Variants in SYNDIG1L observed in about 807,000 individuals in gnomAD.
The protein encoded by SYNDIG1L is synapse differentiation inducing 1 like, also known as synapse differentiation-inducing gene protein 1-like.
Under a neutral mutation model 20.1 loss-of-function variants are expected in SYNDIG1L, and 13 were observed. The observed-to-expected ratio is 0.65, with a 90% confidence interval of 0.42 to 1.03. The LOEUF (loss-of-function observed/expected upper bound fraction) is 1.03. Ranked by LOEUF, SYNDIG1L falls within the 50% of genes least tolerant of loss-of-function variation. The pLI is 0.00. For synonymous variants in SYNDIG1L, 128 were observed against 129.3 expected (o/e 0.99, Z 0.07); for missense variants, 294 against 305.1 (o/e 0.96, Z 0.27).
chr14:74,435,460 A>G, the SYNDIG1L span, among the ~76,000 whole-genome samples: 5 of 152,216 alleles, frequency 3.3e-5, no homozygotes, highest in Non-Finnish European at 1.5e-5. Flanking sequence ...TGAGGCCCAG[A>G]GAGAAGAGTT....
the SYNDIG1L span, among the ~76,000 whole-genome samples, chr14:74,459,474 A>G: frequency 3.3e-5 from 5 of 152,344 alleles, no homozygotes; most frequent in Admixed American, 3.3e-4. Flanking sequence ...ACTGCACTCC[A>G]GCCTGGGCGA....
chr14:74,445,949 T>C, the SYNDIG1L span, among the ~76,000 whole-genome samples: 2 of 152,212 alleles, frequency 1.3e-5, no homozygotes, highest in African/African-American at 4.8e-5. Context: ...TATGAGGTAG[T>C]TATTATTATC....
the SYNDIG1L span, among the ~76,000 whole-genome samples, chr14:74,444,682 C>T: frequency 2.0e-5 from 3 of 151,826 alleles, no homozygotes; most frequent in South Asian, 2.1e-4. Context: ...GCCTGGGAGG[C>T]GGAGATTGCA....
At chr14:74,409,273 G>C in intron 2 of SYNDIG1L, 55 bp downstream of exon 2, 1 of 1,265,326 alleles carries the variant, frequency 7.9e-7, no homozygotes. Context: ...TTGTAGAGTC[G>C]GGGTCTCCTT....
At chr14:74,424,254 G>A (rs967855602) in intron 1 of SYNDIG1L, among the ~76,000 whole-genome samples, 4 of 152,212 alleles carry the variant, frequency 2.6e-5, no homozygotes, top group African/African-American at 9.7e-5. Context: ...TTTTACAGAT[G>A]AGAAAAATGA....
chr14:74,427,324 G>A (rs144726051), upstream of SYNDIG1L, among the ~76,000 whole-genome samples: 67 of 152,250 alleles, frequency 4.4e-4, no homozygotes, highest in East Asian at 0.013. Flanking sequence ...GAAGACACAA[G>A]GAACCAGGGT....
chr14:74,463,449 C>T, the SYNDIG1L span, among the ~76,000 whole-genome samples: 1 of 152,142 alleles, frequency 6.6e-6, no homozygotes, highest in Admixed American at 6.5e-5. Context: ...TTCTGCCACT[C>T]CTGCACACCA....
At chr14:74,456,348 A>G in the SYNDIG1L span, among the ~76,000 whole-genome samples, 1 of 152,122 alleles carries the variant, frequency 6.6e-6, no homozygotes, top group Non-Finnish European at 1.5e-5. Context: ...TGACTAACAC[A>G]GTGAAACCCC....
Position 74,407,509 on chromosome 14 carries a change from A to AG in SYNDIG1L, c.*25dup. ...CACTGCTTCCTCAGGTGGGCAGGGGAGTCAGGATGCAGGCCCTACTGGCTA... is the reference window on the plus strand; with the variant it reads ...CACTGCTTCCTCAGGTGGGCAGGGGAGGTCAGGATGCAGGCCCTACTGGCTA... On this transcript the variant is annotated 3_prime_UTR_variant, in exon 4 of 4. Transcript: ENST00000331628. The AG allele has an allele frequency of 6.2e-7, 1 of 1,612,536 alleles. No individual in the cohort carries two copies. Among genetic ancestry groups the AG allele is most frequent in the Non-Finnish European group, 8.5e-7 (1 of 1,179,766 alleles).
the SYNDIG1L span, among the ~76,000 whole-genome samples, chr14:74,441,210 A>G: frequency 6.6e-6 from 1 of 152,156 alleles, no homozygotes; most frequent in African/African-American, 2.4e-5. Context: ...TTTGTTTTTA[A>G]TCCTGGAAAG....
At position 74,407,318 on chromosome 14, in the gene SYNDIG1L, G is replaced by T; in HGVS notation, c.*217C>A. The T allele has an allele frequency of 1.5e-6, 1 of 657,588 alleles. No homozygotes were observed. 40.7% of individuals were successfully genotyped at this position (657,588 alleles called of 1,614,324 possible). ...TGTTTCCCGTCTGTAGCCTGGGTTA[G>T]AGAGTGGCGCCCCGGGCCCTGCTCT... On this transcript the variant is annotated 3_prime_UTR_variant, in exon 4 of 4. Transcript: ENST00000331628.
chr14:74,440,357 T>C, the SYNDIG1L span, among the ~76,000 whole-genome samples: 1 of 151,730 alleles, frequency 6.6e-6, no homozygotes, highest in Non-Finnish European at 1.5e-5. Context: ...CTACTAAAAA[T>C]ACAAAAATTA....
At chr14:74,465,444 C>G in the SYNDIG1L span, among the ~76,000 whole-genome samples, 2 of 152,194 alleles carry the variant, frequency 1.3e-5, no homozygotes, top group African/African-American at 4.8e-5. Flanking sequence ...GAGTGGAGAG[C>G]TCTGGGCAGG....
chr14:74,433,494 G>T, the SYNDIG1L span, among the ~76,000 whole-genome samples: 1 of 151,626 alleles, frequency 6.6e-6, no homozygotes. Flanking sequence ...AGTGATTCTC[G>T]TGCCTCAGCC....
the SYNDIG1L span, among the ~76,000 whole-genome samples, chr14:74,460,459 G>C: frequency 1.3e-5 from 2 of 152,146 alleles, no homozygotes; most frequent in Non-Finnish European, 2.9e-5. Context: ...CCCCACCTCT[G>C]GAATGTTAGA....
upstream of SYNDIG1L, among the ~76,000 whole-genome samples, chr14:74,428,965 G>C (rs2086285186): frequency 6.6e-6 from 1 of 152,188 alleles, no homozygotes; most frequent in African/African-American, 2.4e-5. Flanking sequence ...CATCAGGAGG[G>C]GAGCAAACTG....
chr14:74,432,762 G>A, the SYNDIG1L span, among the ~76,000 whole-genome samples: 2 of 152,098 alleles, frequency 1.3e-5, no homozygotes, highest in Non-Finnish European at 2.9e-5. Context: ...GTTGAGGCAG[G>A]AGAATTGTTT....
At chr14:74,466,146 T>C in the SYNDIG1L span, among the ~76,000 whole-genome samples, 1 of 152,110 alleles carries the variant, frequency 6.6e-6, no homozygotes, top group Admixed American at 6.5e-5. Flanking sequence ...CTCAATTCTA[T>C]CTTTAGCTCT....
At chr14:74,455,710 T>C in the SYNDIG1L span, among the ~76,000 whole-genome samples, 35 of 152,312 alleles carry the variant, frequency 2.3e-4, no homozygotes, top group Non-Finnish European at 4.3e-4. Context: ...TGAGCCGCAG[T>C]GCCCAGCTCC....
Sources: gnomAD v4.1 joint callset for allele counts (sites outside exome capture counted in the v4.1 genomes callset) on GRCh38, gnomAD v4.1.1 for gene constraint, MANE v1.5 for transcripts, NCBI Gene and HGNC (gene_info 2026-07-23, HGNC 2026-07-21) for gene names.